The following TMTC2 variants were observed in gnomAD, a reference collection of about 807,000 sequenced individuals.
TMTC2 encodes the protein transmembrane O-mannosyltransferase targeting cadherins 2.
In TMTC2, 43 loss-of-function variants were observed where a neutral mutation model predicts 82.4. The ratio of observed to expected loss-of-function variants is 0.52; its 90% CI spans 0.41 to 0.67. TMTC2 has a LOEUF of 0.67. Ranked by LOEUF, TMTC2 falls within the 30% of genes least tolerant of loss-of-function variation. TMTC2 has a pLI of 0.00. For missense variants in TMTC2, 919 were observed against 1,012.4 expected, an observed-to-expected ratio of 0.91 and a Z score of 1.25; for synonymous variants, 408 against 381.9, an observed-to-expected ratio of 1.07 and a Z score of -0.80.
intron 1 of TMTC2, among the ~76,000 whole-genome samples, chr12:82,821,070 G>A (rs934873167): frequency 4.6e-5 from 7 of 151,990 alleles, no homozygotes; most frequent in Admixed American, 1.3e-4. Flanking sequence ...TGTTGTCAAG[G>A]CTGGTCTTGA....
intron 7 of TMTC2, among the ~76,000 whole-genome samples, chr12:82,981,056 T>C (rs1619180): frequency 5.9e-4 from 89 of 152,026 alleles, no homozygotes; most frequent in African/African-American, 2.1e-3. Flanking sequence ...TATACCATCA[T>C]ATGCATTGTT....
intron 1 of TMTC2, among the ~76,000 whole-genome samples, chr12:82,853,650 GA>G (rs1871102403): frequency 6.6e-6 from 1 of 152,178 alleles, no homozygotes; most frequent in Admixed American, 6.6e-5. Flanking sequence ...TCCAGGTTTG[GA>G]AAAGATGATT....
intron 2 of TMTC2, among the ~76,000 whole-genome samples, chr12:82,888,680 A>G (rs929823420): frequency 6.6e-6 from 1 of 152,190 alleles, no homozygotes; most frequent in African/African-American, 2.4e-5. Context: ...CTGACTTTTA[A>G]AAGTTTGAGG....
At chr12:83,104,073 A>T (rs996165222) in intron 11 of TMTC2, among the ~76,000 whole-genome samples, 1 of 152,228 alleles carries the variant, frequency 6.6e-6, no homozygotes, top group Admixed American at 6.5e-5. Context: ...CTTTGACTGC[A>T]TGTCCCACAT....
At chr12:82,756,229 A>AT (rs986945533) in intron 1 of TMTC2, among the ~76,000 whole-genome samples, 1 of 152,166 alleles carries the variant, frequency 6.6e-6, no homozygotes, top group Non-Finnish European at 1.5e-5. Flanking sequence ...TTGTAAAATT[A>AT]TTTTAAAAAA....
intron 11 of TMTC2, among the ~76,000 whole-genome samples, chr12:83,130,138 G>A (rs1236317957): frequency 6.6e-6 from 1 of 152,154 alleles, no homozygotes; most frequent in East Asian, 1.9e-4. Flanking sequence ...TCCCACTCAG[G>A]ATAGCAGGAA....
chr12:82,923,820 C>T (rs1026253968), intron 3 of TMTC2, among the ~76,000 whole-genome samples: 2 of 152,154 alleles, frequency 1.3e-5, no homozygotes, highest in African/African-American at 4.8e-5. Context: ...ATTGCCCCAT[C>T]CATGAGCCTT....
intron 11 of TMTC2, among the ~76,000 whole-genome samples, chr12:83,081,437 A>G (rs1054158071): frequency 6.6e-6 from 1 of 152,224 alleles, no homozygotes; most frequent in Non-Finnish European, 1.5e-5. Context: ...GATACTTTCA[A>G]TAACAGATTC....
In TMTC2 at chr12:83,098,953, A is replaced by C. The variant is rs564098793; in HGVS notation, c.2332-33257A>C. Among the ~76,000 whole-genome samples the C allele has an allele frequency of 2.0e-5, 3 of 152,342 alleles. No individual in the cohort carries two copies. In the East Asian group the frequency reaches 5.8e-4, roughly 29 times the overall value. On this transcript the variant is annotated intron_variant, in intron 11 of 11. Coordinates refer to ENST00000321196, the MANE Select transcript of TMTC2 (RefSeq NM_152588.3). Reference sequence around the variant, plus strand: ...TTTTTCTAATGGCAAAGAAAATATAAACAACTGAATATCCACTGAGGAGAC... The same window carrying C: ...TTTTTCTAATGGCAAAGAAAATATACACAACTGAATATCCACTGAGGAGAC...
chr12:82,716,143 G>A (rs1434731163), intron 1 of TMTC2, among the ~76,000 whole-genome samples: 1 of 152,036 alleles, frequency 6.6e-6, no homozygotes, highest in Non-Finnish European at 1.5e-5. Context: ...GGAATTTTTC[G>A]ATATATTTTT....
At chr12:82,716,583 C>T (rs904592821) in intron 1 of TMTC2, among the ~76,000 whole-genome samples, 1 of 152,112 alleles carries the variant, frequency 6.6e-6, no homozygotes, top group East Asian at 1.9e-4. Flanking sequence ...AGGATGGTCT[C>T]GATCTCCTGA....
intron 10 of TMTC2, among the ~76,000 whole-genome samples, chr12:83,055,962 G>A (rs545416228): frequency 6.6e-6 from 1 of 151,998 alleles, no homozygotes; most frequent in South Asian, 2.1e-4. Context: ...CAGGGGTTAA[G>A]GCTTAATGTA....
intron 11 of TMTC2, among the ~76,000 whole-genome samples, chr12:83,100,291 C>A (rs1292481580): frequency 6.6e-6 from 1 of 152,104 alleles, no homozygotes; most frequent in Non-Finnish European, 1.5e-5. Context: ...TAAGCTTTTT[C>A]TGTACCTCCT....
intron 2 of TMTC2, among the ~76,000 whole-genome samples, chr12:82,866,107 G>A (rs1388194474): frequency 2.6e-5 from 4 of 151,798 alleles, no homozygotes; most frequent in South Asian, 2.1e-4. Context: ...AAGAACTAGA[G>A]AAGCAAGAGC....
intron 4 of TMTC2, among the ~76,000 whole-genome samples, chr12:82,953,687 G>A (rs149400398): frequency 6.6e-6 from 1 of 152,252 alleles, no homozygotes; most frequent in African/African-American, 2.4e-5. Context: ...AAAGCCATTA[G>A]CTAAATAAGC....
chr12:82,866,855 G>A (rs996564013), intron 2 of TMTC2, among the ~76,000 whole-genome samples: 26 of 152,144 alleles, frequency 1.7e-4, no homozygotes, highest in Non-Finnish European at 2.1e-4. Flanking sequence ...TTCCTTAAAA[G>A]GCATGAATGG....
chr12:82,806,718 T>C (rs1057491670), intron 1 of TMTC2, among the ~76,000 whole-genome samples: 12 of 152,144 alleles, frequency 7.9e-5, no homozygotes, highest in Admixed American at 7.2e-4. Flanking sequence ...GAAAAAAATA[T>C]ATTCATTGTT....
In TMTC2 at chr12:82,701,494, G is replaced by A. The variant is rs537725469; in HGVS notation, c.83+13825G>A. ...TGGCCGGGCACTGTGGCTCAAGCCT[G>A]TAATCCCAGCACTTTGGGAGGCCGA... On this transcript the variant is annotated intron_variant, in intron 1 of 11. Coordinates refer to ENST00000321196, the MANE Select transcript of TMTC2 (RefSeq NM_152588.3). Among the ~76,000 whole-genome samples the A allele has an allele frequency of 1.0e-3, 154 of 151,056 alleles. 1 individual carries two copies. Among genetic ancestry groups the A allele is most frequent in the African/African-American group, 3.5e-3 (146 of 41,134 alleles).
intron 1 of TMTC2, among the ~76,000 whole-genome samples, chr12:82,750,388 A>C (rs909248628): frequency 4.6e-5 from 7 of 152,110 alleles, no homozygotes; most frequent in Non-Finnish European, 8.8e-5. Context: ...GTTTTTGAGA[A>C]GTGACCTCAG....
Sources: allele counts gnomAD v4.1 joint callset (sites outside exome capture counted in the v4.1 genomes callset), GRCh38; gene constraint gnomAD v4.1.1; transcripts MANE v1.5; gene names NCBI Gene and HGNC (gene_info 2026-07-23, HGNC 2026-07-21).